Variants in MYBPC2 observed in about 807,000 individuals in gnomAD.
The protein encoded by MYBPC2 is myosin-binding protein C, fast-type.
Under a neutral mutation model 137.0 loss-of-function variants are expected in MYBPC2, and 122 were observed. The observed-to-expected ratio is 0.89, with a 90% CI of 0.77 to 1.03. The LOEUF is 1.03. Ranked by LOEUF, MYBPC2 falls within the 50% of genes least tolerant of loss-of-function variation. MYBPC2 has a pLI of 0.00. For missense variants in MYBPC2, 1,500 were observed against 1,534.4 expected (o/e 0.98, Z 0.37); for synonymous variants, 626 against 612.3 (o/e 1.02, Z -0.33).
At chr19:50,448,112 T>C (rs1287317367) in intron 12 of MYBPC2, 113 bp from the exon 13 acceptor site, 3 of 1,288,196 alleles carry the variant, frequency 2.3e-6, no homozygotes, top group Non-Finnish European at 1.0e-6. Context: ...CTGGGTTGTC[T>C]GTGGCTGGTA....
Position 50,455,359 on chromosome 19 carries a change from C to T in MYBPC2, c.2203+63C>T, listed in dbSNP as rs754849785. The T allele has an allele frequency of 3.1e-5, 49 of 1,574,964 alleles. 1 individual carries two copies. The highest frequency in any genetic ancestry group is 3.4e-4 in the Middle Eastern group (2 of 5,898). On this transcript the variant is annotated intron_variant, in intron 19 of 27. Coordinates refer to ENST00000357701, the MANE Select transcript of MYBPC2 (RefSeq NM_004533.4). ...ATGGATCACTCTGATCCATCAACCCCGTCCACCTCTGGCCCATCTTTTGCC... is the reference window on the plus strand; with the variant it reads ...ATGGATCACTCTGATCCATCAACCCTGTCCACCTCTGGCCCATCTTTTGCC...
chr19:50,458,825 C>T (rs1278645484), intron 21 of MYBPC2, 71 bp downstream of exon 21: 1 of 1,597,148 alleles, frequency 6.3e-7, no homozygotes. Flanking sequence ...TCCGTGTCGT[C>T]GACAGGACCT....
At chr19:50,445,394 C>CTT (rs1256768181) in intron 11 of MYBPC2, among the ~76,000 whole-genome samples, 3 of 137,438 alleles carry the variant, frequency 2.2e-5, no homozygotes, top group East Asian at 2.1e-4. Flanking sequence ...TCCTCACTGC[C>CTT]TTTTTTTTTT....
Position 50,440,922 on chromosome 19 carries a change from C to T in MYBPC2, c.615C>T (p.Asp205=), listed in dbSNP as rs190315215. ...EEEKKKKKKD[D]DDLGIPPEIW... ...AGAAGAAGAAGAAAAAGAAAGATGA[C>T]GATGACCTAGGCATCCCCCCGGAGA... Residue 205 remains aspartate (D), a synonymous_variant, in exon 8 of 28, where the codon GAC becomes GAT. Coordinates refer to ENST00000357701, the MANE Select transcript of MYBPC2 (RefSeq NM_004533.4). The T allele has an allele frequency of 6.3e-4, 1,013 of 1,613,486 alleles. 2 individuals are homozygous for T. The highest frequency in any genetic ancestry group is 3.6e-3 in the Middle Eastern group (22 of 6,060).
intron 18 of MYBPC2, 52 bp downstream of exon 18, chr19:50,454,421 T>G (rs1487661072): frequency 1.9e-4 from 11 of 57,900 alleles, no homozygotes; most frequent in Middle Eastern, 2.6e-3. Flanking sequence ...CTGCCTTCTG[T>G]TTTTTTTTTT....
At chr19:50,450,447 T>C (rs539247886) in intron 13 of MYBPC2, among the ~76,000 whole-genome samples, 7 of 152,152 alleles carry the variant, frequency 4.6e-5, no homozygotes, top group African/African-American at 1.4e-4. Flanking sequence ...TTATTTATTT[T>C]CTGTAGAGAC....
chr19:50,436,771 T>C (rs1262010659), intron 5 of MYBPC2, 37 bp downstream of exon 5: 4 of 1,589,024 alleles, frequency 2.5e-6, no homozygotes. Context: ...AAGGGTTCTA[T>C]GTCTGGGTGG....
chr19:50,457,968 C>T (rs2039929005), intron 20 of MYBPC2, among the ~76,000 whole-genome samples: 1 of 151,476 alleles, frequency 6.6e-6, no homozygotes, highest in Non-Finnish European at 1.5e-5. Flanking sequence ...GCATGAGCCA[C>T]GGGATTACAA....
chr19:50,436,155 A>G lies in MYBPC2; in HGVS notation c.340A>G (p.Ser114Gly), dbSNP rs2039701788. 1 of 1,581,588 alleles carries G rather than the reference A, an allele frequency of 6.3e-7. No homozygotes were observed. The highest frequency in any genetic ancestry group is 1.2e-5 in the South Asian group (1 of 86,086). ...CTTCAAGGAGTCCCACAACTCCGCC[A>G]GCAATGTGAGGACCCCGTGGGCCAG... ...FSFKESHNSA[S>G]NVYTVELHIG... Residue 114 changes from serine to glycine, a missense_variant, in exon 4 of 28, where the codon AGC becomes GGC. Physicochemically the swap from Ser to Gly is moderately conservative, Grantham distance 56. Transcript: ENST00000357701.
chr19:50,458,669 C>CA lies in MYBPC2; in HGVS notation c.2421_2422insA (p.Leu808ThrfsTer152). On this transcript the variant is annotated frameshift_variant, in exon 21 of 28. Coordinates refer to ENST00000357701, the MANE Select transcript of MYBPC2 (RefSeq NM_004533.4). LOFTEE classifies it high-confidence loss of function. ...AGAATCTCCCGACCGGAGCCAGAATCCTCTTCCGAGTAGTTGGGGTCAACA... is the reference window on the plus strand; with the variant it reads ...AGAATCTCCCGACCGGAGCCAGAATCACTCTTCCGAGTAGTTGGGGTCAACA... 1 of 1,612,594 alleles carries CA rather than the reference C, an allele frequency of 6.2e-7. No individual in the cohort carries two copies. The highest frequency in any genetic ancestry group is 8.5e-7 in the Non-Finnish European group (1 of 1,179,886).
intron 20 of MYBPC2, among the ~76,000 whole-genome samples, chr19:50,456,371 T>C (rs1363591827): frequency 2.3e-5 from 2 of 85,562 alleles, no homozygotes; most frequent in African/African-American, 1.5e-4. Flanking sequence ...CATCTGTCCA[T>C]CCATCTATCC....
In MYBPC2 at chr19:50,454,084, T is replaced by C. The variant is rs377730971; in HGVS notation, c.1814T>C (p.Ile605Thr). ...CGGGTGGACTGCAGCAGCTTTGTGA[T>C]TGAGAGTGCGCAGCGGGAAGACGAG... ...EKRVDCSSFV[I>T]ESAQREDEGR... The change falls in exon 17 of 28, where the codon ATT becomes ACT. Residue 605 changes from isoleucine to threonine, a missense_variant. Ile to Thr is a moderately conservative substitution (Grantham distance 89). Transcript: ENST00000357701. 301 of 1,611,188 alleles carry C rather than the reference T, an allele frequency of 1.9e-4. No homozygotes were observed. Among genetic ancestry groups the C allele is most frequent in the Non-Finnish European group, 2.4e-4 (284 of 1,178,988 alleles).
chr19:50,464,267 C>T (rs943986327), intron 26 of MYBPC2, 79 bp from the exon 27 acceptor site: 22 of 1,329,670 alleles, frequency 1.7e-5, no homozygotes, highest in African/African-American at 7.3e-5. Context: ...GAACCCAGAT[C>T]GGCTTCCTGA....
chr19:50,451,485 C>T lies in MYBPC2; in HGVS notation c.1609+176C>T, dbSNP rs933033398. On this transcript the variant is annotated intron_variant, in intron 15 of 27. Transcript: ENST00000357701. The stretch of plus-strand genomic sequence containing the variant: ...TGCTGAGGAAGGGAGGGAGGAGGGG[C>T]GGGGAGCTGACAGACGGGGTGGGGG... 5.4e-3 allele frequency among the ~76,000 whole-genome samples: 113 copies of T among 21,080 alleles called. 2 individuals are homozygous for T. The highest frequency in any genetic ancestry group is 0.034 in the Middle Eastern group (2 of 58). 13.8% of individuals were successfully genotyped at this position (21,080 alleles called of 152,430 possible). A position where few individuals can be genotyped will look rare whatever the true frequency, so the allele number is the denominator to read the frequency against.
intron 14 of MYBPC2, 65 bp from the exon 15 acceptor site, chr19:50,451,215 T>G: frequency 6.4e-7 from 1 of 1,568,902 alleles, no homozygotes; most frequent in Non-Finnish European, 8.8e-7. Context: ...TCCTCTGGGC[T>G]GTGAAGGTGG....
chr19:50,456,170 T>TATCC lies in MYBPC2; in HGVS notation c.2338+545_2338+548dup, dbSNP rs536173459. 4.2e-3 allele frequency among the ~76,000 whole-genome samples: 593 copies of TATCC among 141,294 alleles called. 5 individuals are homozygous for TATCC. The highest frequency in any genetic ancestry group is 0.015 in the African/African-American group (553 of 37,678). The allele number at this position is 141,294 out of a possible 152,430, so 92.7% of individuals were successfully genotyped here. The stretch of plus-strand genomic sequence containing the variant: ...CCACCCACCCACTCATATTTCCATC[T>TATCC]ATCCATCCATCCATCCATCCATTTA... On this transcript the variant is annotated intron_variant, in intron 20 of 27. Coordinates refer to ENST00000357701, the MANE Select transcript of MYBPC2 (RefSeq NM_004533.4).
In MYBPC2 at chr19:50,436,654, T is replaced by TG; in HGVS notation, c.388dup (p.Asp130GlyfsTer16). 6.2e-7 allele frequency: 1 copy of TG among 1,613,930 alleles called. No individual in the cohort carries two copies. The highest frequency in any genetic ancestry group is 8.5e-7 in the Non-Finnish European group (1 of 1,179,836). ...GAGCTGCACATTGGGAAGGTGGTAC[T>TG]GGGGGACCGTGGGTATTACCGCCTC... On this transcript the variant is annotated frameshift_variant, in exon 5 of 28. Transcript: ENST00000357701. LOFTEE classifies it high-confidence loss of function.
rs1313676178 is a variant in MYBPC2 at position 50,435,825 on chromosome 19, T to C, written c.159T>C (p.Val53=). The C allele has an allele frequency of 7.5e-6, 12 of 1,609,928 alleles. No homozygotes were observed. The highest frequency in any genetic ancestry group is 9.3e-6 in the Non-Finnish European group (11 of 1,178,154). Residue 53 remains valine, a synonymous_variant, in exon 3 of 28, where the codon GTT becomes GTC. Transcript: ENST00000357701. The surrounding 1 kb of genome is among the most constrained non-coding windows in gnomAD (Gnocchi z 4.8). ...CGACTGCAGAGGAGCCCACCGGCGTTTTCCTGAAGAAGCCGGACTCCGTCT... is the reference window on the plus strand; with the variant it reads ...CGACTGCAGAGGAGCCCACCGGCGTCTTCCTGAAGAAGCCGGACTCCGTCT... ...QSPTAEEPTG[V]FLKKPDSVSV...
chr19:50,453,991 G>A (rs1297564123), intron 16 of MYBPC2, 29 bp from the exon 17 acceptor site: 1 of 1,567,676 alleles, frequency 6.4e-7, no homozygotes, highest in Admixed American at 1.9e-5. Context: ...ACACGATGGG[G>A]TGCAAGGCCA....
Sources: allele counts gnomAD v4.1 joint callset (sites outside exome capture counted in the v4.1 genomes callset), GRCh38; gene constraint gnomAD v4.1.1; non-coding constraint Gnocchi (gnomAD v3.1); transcripts MANE v1.5; gene names NCBI Gene and HGNC (gene_info 2026-07-23, HGNC 2026-07-21).